ZNF148: variants seen among roughly 807,000 people sequenced by gnomAD.
ZNF148 encodes the protein zinc finger protein 148, also known as Beta-Enolase Repressor Factor-1.
In ZNF148, 7 loss-of-function variants were observed where a neutral mutation model predicts 67.7. The observed-to-expected ratio is 0.10, with a 90% CI of 0.06 to 0.19. The LOEUF is 0.19. Ranked by LOEUF, ZNF148 falls within the 10% of genes least tolerant of loss-of-function variation. The pLI is 1.00. For synonymous variants in ZNF148, 333 were observed against 330.7 expected, an observed-to-expected ratio of 1.01 and a Z score of -0.08; for missense variants, 583 against 947.1, an observed-to-expected ratio of 0.62 and a Z score of 5.05.
At chr3:125,286,323 T>C (rs1015165694) in intron 5 of ZNF148, among the ~76,000 whole-genome samples, 10 of 152,144 alleles carry the variant, frequency 6.6e-5, no homozygotes, top group African/African-American at 2.4e-4. Flanking sequence ...ACAAAAATTT[T>C]AGAAGTTTAG....
chr3:125,349,655 T>A (rs1484981590), intron 1 of ZNF148, among the ~76,000 whole-genome samples: 1 of 152,176 alleles, frequency 6.6e-6, no homozygotes, highest in African/African-American at 2.4e-5. Flanking sequence ...TCAGCCACTG[T>A]GGAAAACAAC....
At chr3:125,328,178 A>C (rs1941111626) in intron 2 of ZNF148, among the ~76,000 whole-genome samples, 1 of 152,170 alleles carries the variant, frequency 6.6e-6, no homozygotes, top group African/African-American at 2.4e-5. Flanking sequence ...TATAAGTTAG[A>C]GACTCATGTC....
At chr3:125,320,083 T>A (rs1385288625) in intron 3 of ZNF148, among the ~76,000 whole-genome samples, 3 of 152,222 alleles carry the variant, frequency 2.0e-5, no homozygotes, top group African/African-American at 7.2e-5. Context: ...ATTTTCCAAT[T>A]TTCTATCTGT....
chr3:125,227,195 T>C lies in ZNF148; in HGVS notation c.*5146A>G, dbSNP rs1935677267. The C allele has an allele frequency of 6.6e-6, 1 of 152,564 alleles. No homozygotes were observed. The highest frequency in any genetic ancestry group is 1.5e-5 in the Non-Finnish European group (1 of 68,036). The allele number at this position is 152,564 out of a possible 1,614,324, so 9.5% of individuals were successfully genotyped here. ...AAGCATAGCAACCCAATTCATTTAG[T>C]TCTATACAACAGTGTCTATATTATG... On this transcript the variant is annotated 3_prime_UTR_variant, in exon 9 of 9. Transcript: ENST00000360647.
intron 1 of ZNF148, chr3:125,344,919 A>ATT: frequency 6.4e-6 from 1 of 155,500 alleles, no homozygotes; most frequent in Non-Finnish European, 1.4e-5. Context: ...GCCTGAGTAG[A>ATT]TTTTTTTTTT....
intron 3 of ZNF148, among the ~76,000 whole-genome samples, chr3:125,319,418 T>C (rs1940672505): frequency 6.6e-6 from 1 of 152,184 alleles, no homozygotes; most frequent in Non-Finnish European, 1.5e-5. Flanking sequence ...ACAGAAGCAT[T>C]ACAAATGGAC....
At chr3:125,251,307 G>A (rs1473895776) in intron 7 of ZNF148, among the ~76,000 whole-genome samples, 1 of 152,030 alleles carries the variant, frequency 6.6e-6, no homozygotes, top group East Asian at 1.9e-4. Context: ...TTTTATCAAG[G>A]AAAATTTAAA....
intron 4 of ZNF148, among the ~76,000 whole-genome samples, chr3:125,288,481 C>T (rs150049477): frequency 1.1e-4 from 17 of 150,790 alleles, no homozygotes; most frequent in Non-Finnish European, 2.5e-4. Context: ...AGATCAAAGA[C>T]GTCCTGGGAA....
chr3:125,245,260 G>C (rs1005710262), intron 7 of ZNF148, among the ~76,000 whole-genome samples: 3 of 152,140 alleles, frequency 2.0e-5, no homozygotes, highest in African/African-American at 7.2e-5. Context: ...CAGGTGAGAG[G>C]TGACTGGATC....
At chr3:125,255,421 A>AT (rs1181420728) in intron 7 of ZNF148, among the ~76,000 whole-genome samples, 1 of 151,304 alleles carries the variant, frequency 6.6e-6, no homozygotes, top group Middle Eastern at 3.2e-3. Context: ...TAATTTTTGT[A>AT]TTTTTAGTAG....
At position 125,320,823 on chromosome 3, in the gene ZNF148, T is replaced by C. The variant is rs368059026; in HGVS notation, c.-17+2486A>G. 5.9e-5 allele frequency among the ~76,000 whole-genome samples: 9 copies of C among 152,302 alleles called. No homozygotes were observed. In the East Asian group the frequency reaches 1.5e-3, roughly 26 times the overall value. On this transcript the variant is annotated intron_variant, in intron 3 of 8. Transcript: ENST00000360647. ...ATTACTTCTGATCCAAAGCACTCTG[T>C]TATTTGGAGGATGCCAGTTACATTA...
intron 1 of ZNF148, among the ~76,000 whole-genome samples, chr3:125,331,718 AAAAGTTC>A (rs1390134882): frequency 1.5e-4 from 23 of 152,216 alleles, no homozygotes; most frequent in African/African-American, 5.5e-4. Context: ...ACAGCATTTT[AAAAGTTC>A]AAAGCAAAAG....
chr3:125,227,391 G>A lies in ZNF148; in HGVS notation c.*4950C>T, dbSNP rs1579564455. ...TAGTTGAAATACAAAGAAGGCATAG[G>A]GGATCCCAGGAAAATAACACTATAT... On this transcript the variant is annotated 3_prime_UTR_variant, in exon 9 of 9. Coordinates refer to ENST00000360647, the MANE Select transcript of ZNF148 (RefSeq NM_021964.3). 6.6e-6 allele frequency: 1 copy of A among 152,486 alleles called. No homozygotes were observed. Among genetic ancestry groups the A allele is most frequent in the African/African-American group, 2.4e-5 (1 of 41,388 alleles). The allele number at this position is 152,486 out of a possible 1,614,324, so 9.4% of individuals were successfully genotyped here.
intron 1 of ZNF148, among the ~76,000 whole-genome samples, chr3:125,339,794 C>T (rs935032686): frequency 1.3e-5 from 2 of 152,062 alleles, no homozygotes; most frequent in Non-Finnish European, 2.9e-5. Context: ...TATGTACCTA[C>T]AAAAATTAAA....
chr3:125,271,304 C>T (rs1394877804), intron 7 of ZNF148, among the ~76,000 whole-genome samples: 3 of 152,188 alleles, frequency 2.0e-5, no homozygotes, highest in Non-Finnish European at 2.9e-5. Context: ...CTCAGAATGG[C>T]CATTTACATG....
chr3:125,293,367 A>G (rs533362684), intron 4 of ZNF148, among the ~76,000 whole-genome samples: 13 of 152,174 alleles, frequency 8.5e-5, no homozygotes, highest in Non-Finnish European at 1.6e-4. Context: ...GTAGACATAC[A>G]TGTATTTTCC....
intron 4 of ZNF148, among the ~76,000 whole-genome samples, chr3:125,290,367 T>C (rs1689846594): frequency 1.3e-5 from 2 of 152,156 alleles, no homozygotes; most frequent in Non-Finnish European, 2.9e-5. Context: ...TCTTTCCCTC[T>C]TTATTTTCCT....
chr3:125,239,776 A>C (rs1162272926), intron 7 of ZNF148, among the ~76,000 whole-genome samples: 1 of 152,236 alleles, frequency 6.6e-6, no homozygotes, highest in African/African-American at 2.4e-5. Context: ...TCAACCAATA[A>C]GTGAATGAAA....
intron 7 of ZNF148, among the ~76,000 whole-genome samples, chr3:125,237,637 C>T (rs1222274325): frequency 2.0e-5 from 3 of 151,958 alleles, no homozygotes; most frequent in Non-Finnish European, 4.4e-5. Flanking sequence ...TCATTAACGT[C>T]AGAAGTTACA....
Sources: gnomAD v4.1 joint callset for allele counts (sites outside exome capture counted in the v4.1 genomes callset) on GRCh38, gnomAD v4.1.1 for gene constraint, MANE v1.5 for transcripts, NCBI Gene and HGNC (gene_info 2026-07-23, HGNC 2026-07-21) for gene names.